MYOCD: variants seen among roughly 807,000 people sequenced by gnomAD.
MYOCD encodes the protein myocardin.
In MYOCD, 32 loss-of-function variants were observed where a neutral mutation model predicts 96.1. The ratio of observed to expected loss-of-function variants is 0.33; its 90% CI spans 0.25 to 0.45. The LOEUF (loss-of-function observed/expected upper bound fraction) is 0.45, where lower values mean the gene tolerates loss of function less well. MYOCD is among the 20% of genes least tolerant of loss of function. MYOCD has a pLI of 1.00. For synonymous variants in MYOCD, 469 were observed against 469.0 expected (o/e 1.00, Z 0.00); for missense variants, 1,133 against 1,200.6 (o/e 0.94, Z 0.83).
chr17:12,698,133 A>G (rs987602776), intron 1 of MYOCD, among the ~76,000 whole-genome samples: 5 of 152,298 alleles, frequency 3.3e-5, no homozygotes, highest in East Asian at 1.9e-4. Context: ...ATACGAAGTA[A>G]TCTTATAAAA....
At chr17:12,748,035 C>T (rs778892898) in intron 9 of MYOCD, among the ~76,000 whole-genome samples, 3 of 151,290 alleles carry the variant, frequency 2.0e-5, no homozygotes, top group African/African-American at 7.3e-5. Flanking sequence ...TGGTGGTGCA[C>T]GCCTGTAATC....
chr17:12,693,663 TAA>T (rs1167682416), intron 1 of MYOCD, among the ~76,000 whole-genome samples: 1 of 148,594 alleles, frequency 6.7e-6, no homozygotes, highest in African/African-American at 2.5e-5. Flanking sequence ...TAAAATAAAA[TAA>T]AATAAAATAA....
chr17:12,752,448 G>T lies in MYOCD; in HGVS notation c.1160G>T (p.Gly387Val), dbSNP rs2032876438. 2 of 1,613,658 alleles carry T rather than the reference G, an allele frequency of 1.2e-6. No individual in the cohort carries two copies. Among genetic ancestry groups the T allele is most frequent in the Non-Finnish European group, 1.7e-6 (2 of 1,179,804 alleles). The change falls in exon 10 of 14, where the codon GGC becomes GTC. Residue 387 changes from glycine to valine, a missense_variant. Transcript: ENST00000425538. ...SELRQQLRIR[G>V]LPVSGTKTAL... is the part of the protein sequence containing the mutation. Reference sequence around the variant, plus strand: ...TTAAGACAACAGCTTCGAATTCGGGGCTTGCCTGTGTCAGGCACCAAAACG... The same window carrying T: ...TTAAGACAACAGCTTCGAATTCGGGTCTTGCCTGTGTCAGGCACCAAAACG...
chr17:12,692,840 C>T (rs2030523821), intron 1 of MYOCD, among the ~76,000 whole-genome samples: 1 of 152,076 alleles, frequency 6.6e-6, no homozygotes, highest in African/African-American at 2.4e-5. Context: ...GAGCCCTGGC[C>T]CACCTATCTG....
chr17:12,677,921 T>A (rs1401952473), intron 1 of MYOCD, among the ~76,000 whole-genome samples: 11 of 142,238 alleles, frequency 7.7e-5, no homozygotes, highest in Non-Finnish European at 1.5e-4. Flanking sequence ...TGAGGTGGAG[T>A]CTCACTCTGT....
At chr17:12,760,384 C>G in intron 12 of MYOCD, 1 of 428,934 alleles carries the variant, frequency 2.3e-6, no homozygotes, top group South Asian at 2.6e-5. Context: ...AATGGGTACA[C>G]GATTTTAGTC....
Position 12,739,293 on chromosome 17 carries a change from C to T in MYOCD, c.682C>T (p.Pro228Ser). 6.2e-7 allele frequency: 1 copy of T among 1,608,430 alleles called. No individual in the cohort carries two copies. The highest frequency in any genetic ancestry group is 1.1e-5 in the South Asian group (1 of 89,674). Residue 228 changes from proline (P) to serine (S), a missense_variant, in exon 7 of 14, where the codon CCC (proline) becomes TCC (serine). Transcript: ENST00000425538. ...SDAGKQGLGP[P>S]STPIAVHAAV... ...TGCGGGGAAGCAGGGGCTTGGCCCC[C>T]CCAGCACCCCCATAGCCGTGCATGC...
chr17:12,698,995 G>GC (rs1419683549), intron 1 of MYOCD, among the ~76,000 whole-genome samples: 2 of 151,838 alleles, frequency 1.3e-5, no homozygotes, highest in East Asian at 3.9e-4. Flanking sequence ...GCCCGCCTCG[G>GC]CCTCCCAAAG....
chr17:12,757,452 T>C (rs988304693), intron 11 of MYOCD, among the ~76,000 whole-genome samples: 2 of 152,134 alleles, frequency 1.3e-5, no homozygotes, highest in Non-Finnish European at 2.9e-5. Flanking sequence ...AAATGACCTG[T>C]GGGGTAGATT....
Position 12,764,332 on chromosome 17 carries a change from G to A in MYOCD, c.*688G>A, listed in dbSNP as rs1348804167. Reference sequence around the variant, plus strand: ...AACTGAGTCCACAGAACTCCACTCGGAACTTTCTTCTTTTTTAACTAGTGG... The same window carrying A: ...AACTGAGTCCACAGAACTCCACTCGAAACTTTCTTCTTTTTTAACTAGTGG... On this transcript the variant is annotated 3_prime_UTR_variant, in exon 14 of 14. Transcript: ENST00000425538. 2 of 150,786 alleles carry A rather than the reference G, an allele frequency of 1.3e-5. No individual in the cohort carries two copies. The highest frequency in any genetic ancestry group is 2.5e-5 in the African/African-American group (1 of 40,780). The allele number at this position is 150,786 out of a possible 1,614,324, so 9.3% of individuals were successfully genotyped here.
chr17:12,747,631 A>G (rs1164582907), intron 9 of MYOCD, among the ~76,000 whole-genome samples: 1 of 152,050 alleles, frequency 6.6e-6, no homozygotes, highest in Non-Finnish European at 1.5e-5. Flanking sequence ...GAGAAGAGGA[A>G]TGAAGGAGGC....
Position 12,768,925 on chromosome 17 carries a change from A to C in MYOCD, c.*5281A>C, listed in dbSNP as rs1010741359. 1 of 151,882 alleles carries C rather than the reference A, an allele frequency of 6.6e-6. No homozygotes were observed. Among genetic ancestry groups the C allele is most frequent in the Non-Finnish European group, 1.5e-5 (1 of 67,980 alleles). The allele number at this position is 151,882 out of a possible 1,614,324, so 9.4% of individuals were successfully genotyped here. On this transcript the variant is annotated 3_prime_UTR_variant, in exon 14 of 14. Coordinates refer to ENST00000425538, the MANE Select transcript of MYOCD (RefSeq NM_001146312.3). ...AAAAAAAAAATGCATATATTTTTAA[A>C]TAAAATGTTTATTTTAAAAAGAAAT...
At chr17:12,709,159 T>C (rs551701664) in intron 2 of MYOCD, among the ~76,000 whole-genome samples, 56 of 152,336 alleles carry the variant, frequency 3.7e-4, no homozygotes, top group South Asian at 1.9e-3. Flanking sequence ...CCATTGACTC[T>C]AATGAGGTGA....
chr17:12,763,419 G>A lies in MYOCD; in HGVS notation c.2736G>A (p.Met912Ile). The change falls in exon 14 of 14, where the codon ATG becomes ATA. Residue 912 changes from methionine (M) to isoleucine (I), a missense_variant. Physicochemically the swap from Met to Ile is conservative, Grantham distance 10. Transcript: ENST00000425538. ...TCTTGCCAGGCCCCCTCTCTCCAATGCAGACACAGTTTTCACCCTCTTCTG... is the reference window on the plus strand; with the variant it reads ...TCTTGCCAGGCCCCCTCTCTCCAATACAGACACAGTTTTCACCCTCTTCTG... ...HEILPGPLSP[M>I]QTQFSPSSVD... 1 of 1,611,434 alleles carries A rather than the reference G, an allele frequency of 6.2e-7. No homozygotes were observed. Among genetic ancestry groups the A allele is most frequent in the Non-Finnish European group, 8.5e-7 (1 of 1,178,448 alleles).
intron 5 of MYOCD, among the ~76,000 whole-genome samples, chr17:12,726,259 A>G (rs1285425438): frequency 6.6e-6 from 1 of 152,186 alleles, no homozygotes; most frequent in Non-Finnish European, 1.5e-5. Flanking sequence ...TAAATACTTG[A>G]GACTGCCCCT....
chr17:12,738,442 C>G (rs750623857), intron 6 of MYOCD, among the ~76,000 whole-genome samples: 2 of 152,140 alleles, frequency 1.3e-5, no homozygotes, highest in Admixed American at 6.5e-5. Flanking sequence ...TATACACATG[C>G]ATGCGCACGC....
chr17:12,671,221 G>T (rs540018025), intron 1 of MYOCD, among the ~76,000 whole-genome samples: 1 of 152,106 alleles, frequency 6.6e-6, no homozygotes, highest in Non-Finnish European at 1.5e-5. Context: ...TCTATGCTTG[G>T]CACAGAGAAG....
At chr17:12,739,442 C>A in intron 7 of MYOCD, 114 bp downstream of exon 7, 1 of 1,249,174 alleles carries the variant, frequency 8.0e-7, no homozygotes, top group South Asian at 2.0e-5. Context: ...ACGGAGGACC[C>A]AGGCAGAGGT....
At chr17:12,747,830 T>A (rs548443669) in intron 9 of MYOCD, among the ~76,000 whole-genome samples, 1 of 151,772 alleles carries the variant, frequency 6.6e-6, no homozygotes, top group Admixed American at 6.6e-5. Context: ...TTCATGGTTA[T>A]ATATCACAGT....
Sources: gnomAD v4.1 joint callset for allele counts (sites outside exome capture counted in the v4.1 genomes callset) on GRCh38, gnomAD v4.1.1 for gene constraint, MANE v1.5 for transcripts, NCBI Gene and HGNC (gene_info 2026-07-23, HGNC 2026-07-21) for gene names.